The following ATRIP variants were observed in gnomAD, a reference collection of about 807,000 sequenced individuals.
The protein encoded by ATRIP is ATR interacting protein, also known as ATR-interacting protein.
In ATRIP, 44 loss-of-function variants were observed where a neutral mutation model predicts 78.1. The observed-to-expected ratio is 0.56, with a 90% CI of 0.44 to 0.72. ATRIP has a LOEUF of 0.72. Among genes scored for constraint, ATRIP ranks in the 30% least tolerant of loss-of-function variants. The pLI is 0.00. For synonymous variants in ATRIP, 388 were observed against 408.9 expected, an observed-to-expected ratio of 0.95 and a Z score of 0.62; for missense variants, 927 against 980.2, an observed-to-expected ratio of 0.95 and a Z score of 0.72.
rs1459087673 is a variant in ATRIP, at chr3:48,464,130, G to A, written c.1972G>A (p.Glu658Lys). Residue 658 changes from glutamate to lysine, a missense_variant and splice_region_variant, in exon 10 of 13, where the codon GAG becomes AAG. Glu to Lys is a moderately conservative substitution (Grantham distance 56). Coordinates refer to ENST00000320211, the MANE Select transcript of ATRIP (RefSeq NM_130384.3). ...LETQWLQLEQ[E>K]VVWLLAKLGV... ...GACACAATGGCTCCAGCTGGAACAAGAGGTAAAAACTCCAGAGCCCCTTCT... is the reference window on the plus strand; with the variant it reads ...GACACAATGGCTCCAGCTGGAACAAAAGGTAAAAACTCCAGAGCCCCTTCT... 1 of 1,612,890 alleles carries A rather than the reference G, an allele frequency of 6.2e-7. No homozygotes were observed. The highest frequency in any genetic ancestry group is 2.2e-5 in the East Asian group (1 of 44,880).
At chr3:48,449,413 CA>C (rs1297709851) in intron 1 of ATRIP, among the ~76,000 whole-genome samples, 40 of 60,100 alleles carry the variant, frequency 6.7e-4, no homozygotes, top group South Asian at 5.6e-3. Flanking sequence ...GACTCTGTCT[CA>C]AAAAAAAAAA....
At chr3:48,457,706 A>G (rs1041759698) in intron 5 of ATRIP, among the ~76,000 whole-genome samples, 3 of 152,192 alleles carry the variant, frequency 2.0e-5, no homozygotes, top group Non-Finnish European at 4.4e-5. Flanking sequence ...AAGCTAGCAA[A>G]TCCAGAGAGA....
Position 48,464,770 on chromosome 3 carries a change from G to C in ATRIP, c.2056-61G>C, listed in dbSNP as rs547267103. 13 of 1,601,338 alleles carry C rather than the reference G, an allele frequency of 8.1e-6. No homozygotes were observed. The South Asian group carries it at 1.0e-4, about 12-fold the overall frequency. ...CTCACGTGAGGTGGCTAGGCTGAGCGGATTGTTAGGGTGCAGGCCATGGTG... is the reference window on the plus strand; with the variant it reads ...CTCACGTGAGGTGGCTAGGCTGAGCCGATTGTTAGGGTGCAGGCCATGGTG... On this transcript the variant is annotated intron_variant, in intron 11 of 12. Coordinates refer to ENST00000320211, the MANE Select transcript of ATRIP (RefSeq NM_130384.3).
In ATRIP at chr3:48,451,776, A is replaced by C; in HGVS notation, c.429A>C (p.Lys143Asn). 27 of 1,607,650 alleles carry C rather than the reference A, an allele frequency of 1.7e-5. No homozygotes were observed. The highest frequency in any genetic ancestry group is 2.3e-5 in the Non-Finnish European group (27 of 1,176,656). ...TTCTCATTAAGAATGGAGAAATTAA[A>C]ATTTTGCGAGACTCACTACATCAGA... ...EEVLIKNGEI[K>N]ILRDSLHQTE... is the part of the protein sequence containing the mutation. The change falls in exon 3 of 13, where the codon AAA becomes AAC. Residue 143 changes from lysine to asparagine, a missense_variant. By Grantham distance (94) the Lys-to-Asn change is moderately conservative. Coordinates refer to ENST00000320211, the MANE Select transcript of ATRIP (RefSeq NM_130384.3).
intron 2 of ATRIP, among the ~76,000 whole-genome samples, chr3:48,450,900 A>G (rs1025238435): frequency 1.6e-4 from 24 of 151,732 alleles, no homozygotes; most frequent in African/African-American, 5.3e-4. Flanking sequence ...TAGAGCCTAA[A>G]GAATCCGGCC....
At chr3:48,459,955 G>T in intron 7 of ATRIP, 39 bp downstream of exon 7, 5 of 1,584,254 alleles carry the variant, frequency 3.2e-6, no homozygotes, top group Non-Finnish European at 4.3e-6. Context: ...TTGGGAAGGA[G>T]CTTCCTGGAA....
In ATRIP at chr3:48,460,621, A is replaced by C. The variant is rs146391653; in HGVS notation, c.1567A>C (p.Thr523Pro). The C allele has an allele frequency of 3.7e-5, 60 of 1,614,018 alleles. No homozygotes were observed. The highest frequency in any genetic ancestry group is 4.8e-5 in the Non-Finnish European group (57 of 1,180,014). ...LVHRLSDGDM[T>P]SALRGVADDQ... ...TCACAGGCTTAGTGATGGAGATATG[A>C]CCTCAGCCCTAAGGGGGGTTGCTGA... The change falls in exon 8 of 13, where the codon ACC (threonine) becomes CCC (proline). Residue 523 changes from threonine (T) to proline (P), a missense_variant. By Grantham distance (38) the Thr-to-Pro change is conservative (BLOSUM62 -1). Transcript: ENST00000320211.
rs765600177 is a variant in ATRIP, at chr3:48,460,263, A to C, written c.1209A>C (p.Gly403=). The change falls in exon 8 of 13, where the codon GGA becomes GGC. Residue 403 remains glycine (G), a synonymous_variant. Transcript: ENST00000320211. ...CACGTGATGGAGACCCAGCAGAGGG[A>C]GGCAGAAGGGCCTTCCCACTCTGCC... is the stretch of plus-strand genomic sequence containing the variant. ...ECSRDGDPAE[G]GRRAFPLCQL... The C allele has an allele frequency of 6.2e-7, 1 of 1,614,046 alleles. No homozygotes were observed. The highest frequency in any genetic ancestry group is 1.1e-5 in the South Asian group (1 of 91,074).
chr3:48,449,480 A>G lies in ATRIP; in HGVS notation c.248-557A>G, dbSNP rs560848799. Among the ~76,000 whole-genome samples the G allele has an allele frequency of 1.7e-4, 25 of 151,312 alleles. No homozygotes were observed. In the East Asian group the frequency reaches 2.7e-3, roughly 16 times the overall value. On this transcript the variant is annotated intron_variant, in intron 1 of 12. Coordinates refer to ENST00000320211, the MANE Select transcript of ATRIP (RefSeq NM_130384.3). ...GAACCATGTTCTTAGGTTGAAAAACATCTATATTGCTTACTAGATCTTTCC... is the reference window on the plus strand; with the variant it reads ...GAACCATGTTCTTAGGTTGAAAAACGTCTATATTGCTTACTAGATCTTTCC...
rs745885093 is a variant in ATRIP at position 48,464,133 on chromosome 3, G to GT, written c.1974+2dup. 5.6e-6 allele frequency: 9 copies of GT among 1,612,010 alleles called. No individual in the cohort carries two copies. In the East Asian group the frequency reaches 1.3e-4, roughly 24 times the overall value. ...ACAATGGCTCCAGCTGGAACAAGAGGTAAAAACTCCAGAGCCCCTTCTGGA... is the reference window on the plus strand; with the variant it reads ...ACAATGGCTCCAGCTGGAACAAGAGGTTAAAAACTCCAGAGCCCCTTCTGGA... On this transcript the variant is annotated splice_donor_variant, in intron 10 of 12. Transcript: ENST00000320211. LOFTEE classifies it high-confidence loss of function.
Position 48,467,195 on chromosome 3 carries a change from C to A in ATRIP, c.*1641C>A, listed in dbSNP as rs2040359280. 6.2e-7 allele frequency: 1 copy of A among 1,613,856 alleles called. No homozygotes were observed. Among genetic ancestry groups the A allele is most frequent in the African/African-American group, 1.3e-5 (1 of 74,912 alleles). ...GCCCAAGGAAGAGCTATAGCCTAGG[C>A]AGCATCTACACTCGCCTGTATGGGC... On this transcript the variant is annotated 3_prime_UTR_variant, in exon 13 of 13. Transcript: ENST00000320211.
intron 6 of ATRIP, 155 bp downstream of exon 6, chr3:48,459,609 T>G: frequency 8.8e-7 from 1 of 1,131,426 alleles, no homozygotes; most frequent in South Asian, 1.4e-5. Context: ...CTTTATAAAG[T>G]GGAAAGGGCC....
rs2039688526 is a variant in ATRIP at position 48,446,891 on chromosome 3, C to G, written c.46C>G (p.Pro16Ala). The change falls in exon 1 of 13, where the codon CCG becomes GCG. Residue 16 changes from proline (P) to alanine (A), a missense_variant. Coordinates refer to ENST00000320211, the MANE Select transcript of ATRIP (RefSeq NM_130384.3). ...AGGCAGCAAGAGGCGGAGCGAGCCC[C>G]CGGCGCCTCGCCCCGGCCCGCCGCC... ...APGSKRRSEP[P>A]APRPGPPPGT... 1 of 1,395,618 alleles carries G rather than the reference C, an allele frequency of 7.2e-7. No homozygotes were observed. Among genetic ancestry groups the G allele is most frequent in the Non-Finnish European group, 9.3e-7 (1 of 1,078,208 alleles). 86.5% of individuals were successfully genotyped at this position (1,395,618 alleles called of 1,614,324 possible).
rs764677203 is a variant in ATRIP at position 48,457,353 on chromosome 3, A to G, written c.766A>G (p.Asn256Asp). 20 of 1,607,810 alleles carry G rather than the reference A, an allele frequency of 1.2e-5. No homozygotes were observed. In the South Asian group the frequency reaches 1.7e-4, roughly 13 times the overall value. Residue 256 changes from asparagine (N) to aspartate (D), a missense_variant, in exon 5 of 13, where the codon AAC (asparagine) becomes GAC (aspartate). Coordinates refer to ENST00000320211, the MANE Select transcript of ATRIP (RefSeq NM_130384.3). Reference protein sequence around the residue: ...SFPTKESFSANMSLPHPCQTE... With the variant: ...SFPTKESFSADMSLPHPCQTE... ...TCCTACAAAGGAGTCTTTTAGTGCT[A>G]ACATGTCCCTTCCCCACCCCTGCCA... is the stretch of plus-strand genomic sequence containing the variant.
rs1220105395 is a variant in ATRIP at position 48,463,614 on chromosome 3, A to C, written c.1746-131A>C. On this transcript the variant is annotated intron_variant, in intron 8 of 12. Coordinates refer to ENST00000320211, the MANE Select transcript of ATRIP (RefSeq NM_130384.3). ...AGGGGTCAGGCCAGCACTGAAACCC[A>C]AGTCTGGCTGAACCAACTCACCTGT... 1.3e-5 allele frequency: 17 copies of C among 1,311,064 alleles called. No individual in the cohort carries two copies. In the East Asian group the frequency reaches 1.5e-4, roughly 12 times the overall value. 81.2% of individuals were successfully genotyped at this position (1,311,064 alleles called of 1,614,324 possible).
rs1283306414 is a variant in ATRIP at position 48,464,791 on chromosome 3, T to G, written c.2056-40T>G. On this transcript the variant is annotated intron_variant, in intron 11 of 12. Coordinates refer to ENST00000320211, the MANE Select transcript of ATRIP (RefSeq NM_130384.3). ...GAGCGGATTGTTAGGGTGCAGGCCA[T>G]GGTGGCACCAGGCCTCAGTCTGCAC... 3 of 1,601,888 alleles carry G rather than the reference T, an allele frequency of 1.9e-6. No individual in the cohort carries two copies. The East Asian group carries it at 6.7e-5, about 36-fold the overall frequency.
In ATRIP at chr3:48,467,395, C is replaced by T. The variant is rs201503409; in HGVS notation, c.*1841C>T. 8 of 1,614,192 alleles carry T rather than the reference C, an allele frequency of 5.0e-6. No homozygotes were observed. In the East Asian group the frequency reaches 6.7e-5, roughly 13 times the overall value. On this transcript the variant is annotated 3_prime_UTR_variant, in exon 13 of 13. Transcript: ENST00000320211. ...GCTAGGACCAAGCCAAGACCATCTG[C>T]TGTCACAACCACTGCACACCTGGCC... is the stretch of plus-strand genomic sequence containing the variant.
intron 8 of ATRIP, among the ~76,000 whole-genome samples, chr3:48,461,983 G>A (rs1481783573): frequency 1.3e-5 from 2 of 152,134 alleles, no homozygotes; most frequent in Non-Finnish European, 2.9e-5. Context: ...AAGGATTACA[G>A]GCGTGAGCCA....
In ATRIP at chr3:48,466,860, C is replaced by CTG. The variant is rs74689946; in HGVS notation, c.*1313_*1314dup. ...ACCGCGTGTGGTAGACAAGCTCTCC[C>CTG]TGTGTGTGGCTCCGGGGAAGGCCTG... On this transcript the variant is annotated 3_prime_UTR_variant, in exon 13 of 13. Transcript: ENST00000320211. 6.2e-6 allele frequency: 10 copies of CTG among 1,613,774 alleles called. No individual in the cohort carries two copies. In the South Asian group the frequency reaches 1.1e-4, roughly 18 times the overall value.
Sources: allele counts gnomAD v4.1 joint callset (sites outside exome capture counted in the v4.1 genomes callset), GRCh38; gene constraint gnomAD v4.1.1; transcripts MANE v1.5; gene names NCBI Gene and HGNC (gene_info 2026-07-23, HGNC 2026-07-21).